POLR1A: variants seen among roughly 807,000 people sequenced by gnomAD.
The protein encoded by POLR1A is DNA-directed RNA polymerase I subunit RPA1.
POLR1A carries 84 observed loss-of-function variants against 205.3 expected under a neutral mutation model. The observed-to-expected ratio is 0.41, with a 90% CI of 0.34 to 0.49. The LOEUF (loss-of-function observed/expected upper bound fraction) is 0.49, where lower values mean the gene tolerates loss of function less well. POLR1A is among the 20% of genes least tolerant of loss of function. The pLI, the probability that POLR1A is intolerant of heterozygous loss-of-function variation, is 0.22. For missense variants in POLR1A, 1,645 were observed against 2,204.5 expected (o/e 0.75, Z 5.08); for synonymous variants, 799 against 863.7 (o/e 0.93, Z 1.31).
At chr2:86,099,581 T>C (rs993918668) in intron 2 of POLR1A, among the ~76,000 whole-genome samples, 2 of 152,038 alleles carry the variant, frequency 1.3e-5, no homozygotes, top group Admixed American at 6.6e-5. Flanking sequence ...CAAGTGCCTA[T>C]AGAGACACCT....
At chr2:86,032,453 C>T in intron 28 of POLR1A, 71 bp from the exon 29 acceptor site, 1 of 1,087,750 alleles carries the variant, frequency 9.2e-7, no homozygotes, top group South Asian at 1.3e-5. Context: ...ATCCATCCAC[C>T]CACCAACCCA....
chr2:86,095,003 G>A (rs1177404267), intron 3 of POLR1A, among the ~76,000 whole-genome samples: 7 of 152,220 alleles, frequency 4.6e-5, no homozygotes, highest in Admixed American at 2.6e-4. Flanking sequence ...ACTCTAAGCT[G>A]TGCCTTTATC....
chr2:86,031,669 G>A, intron 29 of POLR1A, 34 bp from the exon 30 acceptor site: 1 of 1,580,270 alleles, frequency 6.3e-7, no homozygotes, highest in South Asian at 1.2e-5. Context: ...TGTGTCACTT[G>A]GGGACCCACC....
At chr2:86,057,791 G>T (rs1156585077) in intron 14 of POLR1A, among the ~76,000 whole-genome samples, 2 of 152,214 alleles carry the variant, frequency 1.3e-5, no homozygotes. Flanking sequence ...GGATGAGAAG[G>T]AAGGAGGAAT....
intron 11 of POLR1A, 107 bp downstream of exon 11, chr2:86,077,752 C>T: frequency 7.6e-7 from 1 of 1,315,692 alleles, no homozygotes; most frequent in South Asian, 1.2e-5. Context: ...TGTCCCCAGT[C>T]CTCTGCGGCA....
Position 86,098,593 on chromosome 2 carries a change from C to T in POLR1A, c.432+18G>A, listed in dbSNP as rs1157654233. On this transcript the variant is annotated intron_variant, in intron 3 of 33. Transcript: ENST00000263857. ...ACTTTGCCTTTTCTGATTTCTGTGA[C>T]CACCACTACCCACCTACCCTGTTCA... The T allele has an allele frequency of 3.1e-6, 5 of 1,610,268 alleles. No homozygotes were observed. Among genetic ancestry groups the T allele is most frequent in the African/African-American group, 1.3e-5 (1 of 74,534 alleles).
chr2:86,032,455 A>G lies in POLR1A; in HGVS notation c.4162-73T>C, dbSNP rs528030275. 47 of 1,079,338 alleles carry G rather than the reference A, an allele frequency of 4.4e-5. 1 individual carries two copies. The South Asian group carries it at 5.8e-4, about 13-fold the overall frequency. 66.9% of individuals were successfully genotyped at this position (1,079,338 alleles called of 1,614,324 possible). ...GCTCAGTGAATCCATCCATCCACCC[A>G]CCAACCCATCCATCCATCCATGCCC... On this transcript the variant is annotated intron_variant, in intron 28 of 33. Transcript: ENST00000263857.
Position 86,054,184 on chromosome 2 carries a change from G to T in POLR1A, c.2164C>A (p.Arg722=), listed in dbSNP as rs768779433. The T allele has an allele frequency of 1.3e-5, 21 of 1,613,872 alleles. No homozygotes were observed. Among genetic ancestry groups the T allele is most frequent in the Non-Finnish European group, 1.7e-5 (20 of 1,179,886 alleles). Residue 722 remains arginine, a synonymous_variant, in exon 15 of 34, where the codon CGA becomes AGA. Transcript: ENST00000263857. ...TGKAWVKETP[R]SVPGFNPDSM... ...TCAGGGTTAAAGCCAGGAACGGATC[G>T]AGGAGTTTCCTTCACCCAGGCTTTC...
rs1353184703 is a variant in POLR1A, at chr2:86,023,018, GA to G, written c.*4404del. The stretch of plus-strand genomic sequence containing the variant: ...GCCTCAGCCTCCTGAGTAGCTGGGT[GA>G]AACCCCATCTCTACTAAAAATACAG... On this transcript the variant is annotated 3_prime_UTR_variant, in exon 34 of 34. Coordinates refer to ENST00000263857, the MANE Select transcript of POLR1A (RefSeq NM_015425.6). 1 of 152,110 alleles carries G rather than the reference GA, an allele frequency of 6.6e-6. No homozygotes were observed. The highest frequency in any genetic ancestry group is 1.5e-5 in the Non-Finnish European group (1 of 68,010). The allele number at this position is 152,110 out of a possible 1,614,324, so 9.4% of individuals were successfully genotyped here.
In POLR1A at chr2:86,044,023, T is replaced by C. The variant is rs1054138518; in HGVS notation, c.3135+116A>G. 2.3e-5 allele frequency: 21 copies of C among 923,764 alleles called. No individual in the cohort carries two copies. In the African/African-American group the frequency reaches 3.1e-4, roughly 14 times the overall value. 57.2% of individuals were successfully genotyped at this position (923,764 alleles called of 1,614,324 possible). ...CCGGTGTCTTATAAACCCTTCCCACTCTACTTTCCAATGGCCACTTGGACT... is the reference window on the plus strand; with the variant it reads ...CCGGTGTCTTATAAACCCTTCCCACCCTACTTTCCAATGGCCACTTGGACT... On this transcript the variant is annotated intron_variant, in intron 22 of 33. Transcript: ENST00000263857.
Position 86,083,266 on chromosome 2 carries a change from G to C in POLR1A, c.731-98C>G, listed in dbSNP as rs1201187556. 4 of 842,086 alleles carry C rather than the reference G, an allele frequency of 4.8e-6. No individual in the cohort carries two copies. The African/African-American group carries it at 5.0e-5, about 11-fold the overall frequency. 52.2% of individuals were successfully genotyped at this position (842,086 alleles called of 1,614,324 possible). On this transcript the variant is annotated intron_variant, in intron 6 of 33. Coordinates refer to ENST00000263857, the MANE Select transcript of POLR1A (RefSeq NM_015425.6). ...TTCTTTATCCCCAAGCCTGCAACTT[G>C]ACCACAAAAATCAATCTCAAGGGTA...
At position 86,089,893 on chromosome 2, in the gene POLR1A, T is replaced by C. The variant is rs747167184; in HGVS notation, c.469A>G (p.Ile157Val). 1.5e-5 allele frequency: 24 copies of C among 1,611,774 alleles called. No homozygotes were observed. Among genetic ancestry groups the C allele is most frequent in the Non-Finnish European group, 2.0e-5 (24 of 1,177,922 alleles). ...EENPDPSASE[I>V]REELEQYTTE... Reference sequence around the variant, plus strand: ...GTGTATTGTTCTAATTCCTCCCGAATTTCAGAGGCAGAGGGATCGGGATTT... The same window carrying C: ...GTGTATTGTTCTAATTCCTCCCGAACTTCAGAGGCAGAGGGATCGGGATTT... Residue 157 changes from isoleucine to valine, a missense_variant, in exon 4 of 34, where the codon ATT (isoleucine) becomes GTT (valine). Ile to Val is a conservative substitution (Grantham distance 29, BLOSUM62 3). Around this residue, in one of 16 missense-constraint regions of POLR1A, gnomAD observed 330 missense variants for 375.6 expected, o/e 0.88. Transcript: ENST00000263857.
intron 14 of POLR1A, among the ~76,000 whole-genome samples, chr2:86,057,052 T>C (rs1161271428): frequency 1.3e-5 from 2 of 152,226 alleles, no homozygotes; most frequent in Non-Finnish European, 2.9e-5. Context: ...GTAGCTGCCA[T>C]AGATAGTGAT....
At chr2:86,036,551 A>T (rs1234201186) in intron 27 of POLR1A, among the ~76,000 whole-genome samples, 1 of 151,824 alleles carries the variant, frequency 6.6e-6, no homozygotes, top group African/African-American at 2.4e-5. Context: ...GAAGGAGAAA[A>T]AGCTTCTTGG....
At chr2:86,092,797 C>T (rs1265343137) in intron 3 of POLR1A, among the ~76,000 whole-genome samples, 2 of 152,098 alleles carry the variant, frequency 1.3e-5, no homozygotes, top group African/African-American at 4.8e-5. Flanking sequence ...TGCACTCCAG[C>T]TTGGGCAACA....
At chr2:86,041,149 C>CTGTGTGTGTGTGTGTGTGTGTGTGTGTG (rs756415592) in intron 24 of POLR1A, among the ~76,000 whole-genome samples, 4 of 122,360 alleles carry the variant, frequency 3.3e-5, no homozygotes, top group African/African-American at 1.3e-4. Flanking sequence ...CTGAGCTACA[C>CTGTGTGTGTGTGTGTGTGTGTGTGTGTG]TGTGTGTGTG....
chr2:86,058,397 C>G (rs1045050534), intron 14 of POLR1A, among the ~76,000 whole-genome samples: 4 of 137,230 alleles, frequency 2.9e-5, no homozygotes, highest in Non-Finnish European at 6.1e-5. Context: ...CCTCACCCAG[C>G]CTTTTTTTTT....
rs1197209052 is a variant in POLR1A, at chr2:86,100,871, A to G, written c.78-699T>C. ...ATTTAGTCCTGATCTTAATCCTCTGAAATACTCATCACTACATGTACTTTT... is the reference window on the plus strand; with the variant it reads ...ATTTAGTCCTGATCTTAATCCTCTGGAATACTCATCACTACATGTACTTTT... On this transcript the variant is annotated intron_variant, in intron 1 of 33. Transcript: ENST00000263857. Among the ~76,000 whole-genome samples, 3 of 152,226 alleles carry G rather than the reference A, an allele frequency of 2.0e-5. No homozygotes were observed. In the East Asian group the frequency reaches 5.8e-4, roughly 29 times the overall value.
At chr2:86,101,936 G>C (rs547654941) in intron 1 of POLR1A, among the ~76,000 whole-genome samples, 1 of 152,128 alleles carries the variant, frequency 6.6e-6, no homozygotes, top group Admixed American at 6.6e-5. Context: ...TGCCCTCAAG[G>C]TTCATCCATG....
Sources: allele counts gnomAD v4.1 joint callset (sites outside exome capture counted in the v4.1 genomes callset), GRCh38; gene constraint gnomAD v4.1.1; regional missense constraint gnomAD v4.1.1; transcripts MANE v1.5; gene names NCBI Gene and HGNC (gene_info 2026-07-23, HGNC 2026-07-21).